TRPM2: variants seen among roughly 807,000 people sequenced by gnomAD.
TRPM2 encodes estrogen-responsive element-associated gene 1 protein.
In TRPM2, 161 loss-of-function variants were observed where a neutral mutation model predicts 174.0. The observed-to-expected ratio is 0.93, with a 90% CI of 0.81 to 1.05. The LOEUF (loss-of-function observed/expected upper bound fraction) is 1.05, where lower values mean the gene tolerates loss of function less well. Ranked by LOEUF, TRPM2 falls within the 50% of genes least tolerant of loss-of-function variation. The pLI is 0.00. For synonymous variants in TRPM2, 954 were observed against 861.3 expected (o/e 1.11, Z -1.88); for missense variants, 2,057 against 2,038.0 (o/e 1.01, Z -0.18).
chr21:44,435,225 C>T lies in TRPM2; in HGVS notation c.4061+8C>T, dbSNP rs768298390. The T allele has an allele frequency of 1.9e-6, 3 of 1,611,252 alleles. No individual in the cohort carries two copies. Among genetic ancestry groups the T allele is most frequent in the Admixed American group, 1.7e-5 (1 of 59,948 alleles). ...GTACCCCATGGTCACGCGGTGAGTT[C>T]ATGTGTGCCGGGCACCAGCACCTCA... is the stretch of plus-strand genomic sequence containing the variant. On this transcript the variant is annotated splice_region_variant and intron_variant, in intron 28 of 31. Coordinates refer to ENST00000397928, the MANE Select transcript of TRPM2 (RefSeq NM_003307.4).
intron 3 of TRPM2, among the ~76,000 whole-genome samples, chr21:44,364,772 G>A (rs1003417272): frequency 1.3e-5 from 2 of 152,226 alleles, no homozygotes; most frequent in Non-Finnish European, 2.9e-5. Context: ...AGGAGTCTGG[G>A]CCAGGCATGG....
chr21:44,361,155 A>T (rs1375429205), intron 2 of TRPM2, among the ~76,000 whole-genome samples: 3 of 152,078 alleles, frequency 2.0e-5, no homozygotes, highest in African/African-American at 7.2e-5. Flanking sequence ...TATTATTATT[A>T]TTATTTTTGA....
chr21:44,437,033 C>G, intron 28 of TRPM2, 29 bp from the exon 29 acceptor site: 2 of 1,545,840 alleles, frequency 1.3e-6, no homozygotes, highest in Non-Finnish European at 8.7e-7. Flanking sequence ...GCAGCGGGTC[C>G]TGGGCAGCCA....
chr21:44,435,726 C>G lies in TRPM2; in HGVS notation c.4061+509C>G, dbSNP rs45511091. 3.0e-5 allele frequency among the ~76,000 whole-genome samples: 4 copies of G among 135,032 alleles called. 1 individual carries two copies. The highest frequency in any genetic ancestry group is 3.1e-5 in the Non-Finnish European group (2 of 64,778). The allele number at this position is 135,032 out of a possible 152,430, so 88.6% of individuals were successfully genotyped here. On this transcript the variant is annotated intron_variant, in intron 28 of 31. Coordinates refer to ENST00000397928, the MANE Select transcript of TRPM2 (RefSeq NM_003307.4). Reference sequence around the variant, plus strand: ...CTTTCCACACCCATCCACGGGGACACAGCCCCACACTCACCCCTCAGACTC... The same window carrying G: ...CTTTCCACACCCATCCACGGGGACAGAGCCCCACACTCACCCCTCAGACTC...
chr21:44,415,021 C>T (rs1438623251), intron 20 of TRPM2: 1 of 152,242 alleles, frequency 6.6e-6, no homozygotes. Context: ...TAGACGTGTT[C>T]CTGCTGCCCC....
chr21:44,417,960 C>T lies in TRPM2; in HGVS notation c.3180C>T (p.Asp1060=), dbSNP rs371699950. 2,271 of 1,612,890 alleles carry T rather than the reference C, an allele frequency of 1.4e-3. 43 individuals are homozygous for T. In the South Asian group the frequency reaches 0.023, roughly 17 times the overall value. ...YTFQQVQEHT[D]QIWKFQRHDL... ...TCCAGCAGGTGCAGGAGCACACGGACCAGATTTGGAAGTTCCAGCGCCATG... is the reference window on the plus strand; with the variant it reads ...TCCAGCAGGTGCAGGAGCACACGGATCAGATTTGGAAGTTCCAGCGCCATG... Residue 1060 remains aspartate, a synonymous_variant, in exon 21 of 32, where the codon GAC becomes GAT. Transcript: ENST00000397928.
Position 44,354,605 on chromosome 21 carries a change from T to A in TRPM2, c.166-43T>A, listed in dbSNP as rs759250927. The A allele has an allele frequency of 6.3e-7, 1 of 1,575,656 alleles. No homozygotes were observed. The highest frequency in any genetic ancestry group is 1.3e-5 in the African/African-American group (1 of 74,082). On this transcript the variant is annotated intron_variant, in intron 1 of 31. Coordinates refer to ENST00000397928, the MANE Select transcript of TRPM2 (RefSeq NM_003307.4). The surrounding 1 kb of genome is among the most constrained non-coding windows in gnomAD (Gnocchi z 4.3). ...TGTCTCCAGGGGGCTGGGTGTGCTC[T>A]TTCGAATGTTGGAAGATCTCAGTGT... is the stretch of plus-strand genomic sequence containing the variant.
chr21:44,382,638 G>C, intron 8 of TRPM2, 80 bp from the exon 9 acceptor site: 1 of 1,385,038 alleles, frequency 7.2e-7, no homozygotes. Context: ...GCTGTGTCCG[G>C]GGCCTCAATT....
intron 27 of TRPM2, among the ~76,000 whole-genome samples, chr21:44,428,406 T>C (rs868099042): frequency 8.1e-6 from 1 of 124,158 alleles, no homozygotes; most frequent in South Asian, 2.5e-4. Context: ...CTCCTCCCCT[T>C]AGGTGTGGCT....
intron 28 of TRPM2, among the ~76,000 whole-genome samples, chr21:44,435,637 C>A (rs1231224522): frequency 6.8e-6 from 1 of 147,518 alleles, no homozygotes; most frequent in African/African-American, 2.5e-5. Context: ...CCACACTCAC[C>A]CCTCAGACCC....
rs1236590595 is a variant in TRPM2, at chr21:44,438,754, G to A, written c.4168-313G>A. Among the ~76,000 whole-genome samples, 1 of 152,194 alleles carries A rather than the reference G, an allele frequency of 6.6e-6. No individual in the cohort carries two copies. Among genetic ancestry groups the A allele is most frequent in the East Asian group, 1.9e-4 (1 of 5,182 alleles). ...CGACGCGGGGGCAGGCGCCAGGGGA[G>A]CGGGAAGGGGGTGCCCTGTCACCCT... On this transcript the variant is annotated intron_variant, in intron 29 of 31. Transcript: ENST00000397928. The surrounding 1 kb of genome is among the most constrained non-coding windows in gnomAD (Gnocchi z 5.9).
At chr21:44,350,623 T>C (rs2122996026), upstream of TRPM2, among the ~76,000 whole-genome samples, 7 of 37,252 alleles carry the variant, frequency 1.9e-4, no homozygotes, top group South Asian at 2.0e-3. Context: ...CAGGGCGCGG[T>C]GGGGTGCAGG....
At position 44,366,967 on chromosome 21, in the gene TRPM2, G is replaced by A. The variant is rs530328234; in HGVS notation, c.604+33G>A. On this transcript the variant is annotated intron_variant, in intron 4 of 31. Transcript: ENST00000397928. This position sits in a 1 kb window ranked among gnomAD's most constrained non-coding sequence, Gnocchi z 6.0. ...GGAGGCTGGAGGGACACGAGGCCCC[G>A]GCGGGTGGGGTGGGCTGTGGAGGCA... 63 of 1,544,740 alleles carry A rather than the reference G, an allele frequency of 4.1e-5. 2 individuals carry two copies. The Middle Eastern group carries it at 5.5e-4, about 14-fold the overall frequency.
At chr21:44,419,877 G>T (rs1190351933) in intron 22 of TRPM2, among the ~76,000 whole-genome samples, 1 of 146,084 alleles carries the variant, frequency 6.8e-6, no homozygotes, top group Non-Finnish European at 1.5e-5. Flanking sequence ...TAGCGGTGAT[G>T]GTGGTGGTGG....
At chr21:44,406,153 C>T (rs62218771) in intron 18 of TRPM2, 116 bp downstream of exon 18, 35,547 of 1,352,714 alleles carry the variant, frequency 0.026, 582 homozygotes, top group Non-Finnish European at 0.031. Context: ...GTAGGTTCCC[C>T]GTCCCTGCTT....
chr21:44,403,224 G>C (rs1179645986), intron 16 of TRPM2, among the ~76,000 whole-genome samples: 2 of 152,200 alleles, frequency 1.3e-5, no homozygotes, highest in East Asian at 3.8e-4. Flanking sequence ...CTGTGATCCA[G>C]GGAGGGCCCT....
intron 24 of TRPM2, 21 bp downstream of exon 24, chr21:44,424,960 G>A: frequency 7.6e-6 from 12 of 1,583,422 alleles, no homozygotes; most frequent in African/African-American, 1.3e-5. Context: ...GGCCAGGCCA[G>A]CAGCTGGTCT....
chr21:44,378,712 G>C (rs2048782097), intron 7 of TRPM2, among the ~76,000 whole-genome samples: 1 of 152,206 alleles, frequency 6.6e-6, no homozygotes, highest in East Asian at 1.9e-4. Flanking sequence ...CCCCTTTGCT[G>C]CGAGGCCCTC....
intron 3 of TRPM2, among the ~76,000 whole-genome samples, chr21:44,364,612 G>A (rs1198719756): frequency 1.3e-5 from 2 of 152,180 alleles, no homozygotes; most frequent in Non-Finnish European, 2.9e-5. Flanking sequence ...TAGGGAGGAA[G>A]GAGAGGGATG....
Sources: allele counts gnomAD v4.1 joint callset (sites outside exome capture counted in the v4.1 genomes callset), GRCh38; gene constraint gnomAD v4.1.1; non-coding constraint Gnocchi (gnomAD v3.1); transcripts MANE v1.5; gene names NCBI Gene and HGNC (gene_info 2026-07-23, HGNC 2026-07-21).